KANK1: variants seen among roughly 807,000 people sequenced by gnomAD.
KANK1 encodes KN motif and ankyrin repeat domain-containing protein 1.
Under a neutral mutation model 106.2 loss-of-function variants are expected in KANK1, and 109 were observed. The observed-to-expected ratio is 1.03, with a 90% CI of 0.88 to 1.20. The LOEUF (loss-of-function observed/expected upper bound fraction) is 1.20, where lower values mean the gene tolerates loss of function less well. Ranked by LOEUF, KANK1 falls within the 50% of genes most tolerant of loss-of-function variation. KANK1 has a pLI of 0.00. For synonymous variants in KANK1, 873 were observed against 652.2 expected (o/e 1.34, Z -5.16); for missense variants, 2,399 against 1,710.7 (o/e 1.40, Z -7.10).
chr9:588,025 C>G (rs566608460), intron 1 of KANK1, among the ~76,000 whole-genome samples: 1 of 151,206 alleles, frequency 6.6e-6, no homozygotes, highest in Non-Finnish European at 1.5e-5. Flanking sequence ...GAGATTGCAC[C>G]ATTGCACTCT....
intron 7 of KANK1, among the ~76,000 whole-genome samples, chr9:736,837 A>G (rs1430135545): frequency 6.6e-6 from 1 of 152,242 alleles, no homozygotes; most frequent in Non-Finnish European, 1.5e-5. Flanking sequence ...AGTATTTCCC[A>G]TCAGGTTTAA....
intron 3 of KANK1, chr9:477,953 A>G (rs2058135144): frequency 6.3e-6 from 1 of 157,720 alleles, no homozygotes; most frequent in African/African-American, 2.4e-5. Flanking sequence ...CTTAAGATCA[A>G]CCCTCTGGAC....
At chr9:563,169 T>A (rs1456695661) in intron 1 of KANK1, among the ~76,000 whole-genome samples, 1 of 139,548 alleles carries the variant, frequency 7.2e-6, no homozygotes. Context: ...TTCGAGCAAA[T>A]GAATGAAATA....
intron 2 of KANK1, among the ~76,000 whole-genome samples, chr9:705,017 A>G (rs1405524257): frequency 1.8e-4 from 25 of 137,442 alleles, no homozygotes; most frequent in Non-Finnish European, 1.6e-5. Flanking sequence ...AAAAAAAAAA[A>G]GAGCAATACC....
rs143151060 is a variant in KANK1, at chr9:528,389, A to G, written c.-84+23635A>G. Among the ~76,000 whole-genome samples the G allele has an allele frequency of 7.1e-5, 10 of 140,114 alleles. No homozygotes were observed. The East Asian group carries it at 2.0e-3, about 29-fold the overall frequency. 91.9% of individuals were successfully genotyped at this position (140,114 alleles called of 152,430 possible). On this transcript the variant is annotated intron_variant, in intron 1 of 11. Transcript: ENST00000382297. ...CTTACCTTTTTCTCTCCTATTTTCTATGTCTTGGTCTTTTTATTCCATTTT... is the reference window on the plus strand; with the variant it reads ...CTTACCTTTTTCTCTCCTATTTTCTGTGTCTTGGTCTTTTTATTCCATTTT...
At chr9:677,375 G>C (rs1588836630) in intron 2 of KANK1, among the ~76,000 whole-genome samples, 4 of 152,162 alleles carry the variant, frequency 2.6e-5, no homozygotes, top group Non-Finnish European at 5.9e-5. Flanking sequence ...CCAATTCCTA[G>C]TAGCCACTCC....
chr9:523,411 A>C (rs1219638916), intron 1 of KANK1, among the ~76,000 whole-genome samples: 1 of 151,642 alleles, frequency 6.6e-6, no homozygotes, highest in East Asian at 1.9e-4. Context: ...CTCTCACCTC[A>C]ATTACTGCAC....
chr9:684,880 G>A (rs953052423), intron 2 of KANK1, among the ~76,000 whole-genome samples: 4 of 150,948 alleles, frequency 2.6e-5, no homozygotes, highest in African/African-American at 9.8e-5. Flanking sequence ...TCACAGAAAC[G>A]ATAAGTTCTT....
intron 3 of KANK1, among the ~76,000 whole-genome samples, chr9:715,365 G>GTC (rs76949301): frequency 6.6e-6 from 1 of 152,162 alleles, no homozygotes; most frequent in African/African-American, 2.4e-5. Flanking sequence ...AATACCTCCA[G>GTC]ACAGATGGCA....
chr9:470,303 T>G (rs1235711725), exon 1 of KANK1: 2 of 149,456 alleles, frequency 1.3e-5, no homozygotes, highest in African/African-American at 2.5e-5. Flanking sequence ...CCGAGGGTGT[T>G]TCGGGGCGTC....
intron 1 of KANK1, among the ~76,000 whole-genome samples, chr9:528,465 A>T (rs1368544376): frequency 7.2e-6 from 1 of 138,418 alleles, no homozygotes; most frequent in Admixed American, 7.7e-5. Context: ...GAATTAAAAA[A>T]TAACTTTTTT....
chr9:543,426 A>G (rs1414776393), intron 1 of KANK1, among the ~76,000 whole-genome samples: 3 of 151,890 alleles, frequency 2.0e-5, no homozygotes, highest in Non-Finnish European at 4.4e-5. Flanking sequence ...GTGCATGGTA[A>G]CGGGCGCTTG....
intron 8 of KANK1, among the ~76,000 whole-genome samples, 170 bp from the exon 9 acceptor site, chr9:740,622 G>C (rs762546140): frequency 1.3e-5 from 2 of 152,140 alleles, no homozygotes; most frequent in African/African-American, 2.4e-5. Context: ...AAAGTTTTTG[G>C]TTTAGTATGA....
At chr9:634,667 C>G (rs571398136) in intron 1 of KANK1, among the ~76,000 whole-genome samples, 5 of 152,168 alleles carry the variant, frequency 3.3e-5, no homozygotes, top group Non-Finnish European at 7.3e-5. Context: ...CTGTTATCAT[C>G]CTTGTTTCAA....
intron 1 of KANK1, among the ~76,000 whole-genome samples, chr9:514,071 C>T (rs1256085910): frequency 6.7e-6 from 1 of 150,082 alleles, no homozygotes; most frequent in East Asian, 1.9e-4. Flanking sequence ...TCTTTTCTGT[C>T]CTCCTCCTCT....
intron 1 of KANK1, among the ~76,000 whole-genome samples, chr9:584,219 TTCTA>T (rs1179004911): frequency 6.6e-6 from 1 of 152,192 alleles, no homozygotes; most frequent in Non-Finnish European, 1.5e-5. Context: ...GGTACAGAAT[TTCTA>T]TCAGAATAAG....
intron 1 of KANK1, among the ~76,000 whole-genome samples, chr9:673,197 C>CTTTTT (rs1563964937): frequency 8.7e-6 from 1 of 114,762 alleles, no homozygotes; most frequent in Non-Finnish European, 1.8e-5. Flanking sequence ...GTGACAGTGT[C>CTTTTT]TTCTTTTTTT....
chr9:524,325 A>G (rs1416292174), intron 1 of KANK1, among the ~76,000 whole-genome samples: 1 of 149,368 alleles, frequency 6.7e-6, no homozygotes, highest in Admixed American at 6.6e-5. Flanking sequence ...CTTGACAATA[A>G]CTCTGCCTTT....
intron 1 of KANK1, among the ~76,000 whole-genome samples, chr9:578,356 C>A (rs1253427430): frequency 6.7e-6 from 1 of 150,274 alleles, no homozygotes; most frequent in Admixed American, 6.6e-5. Context: ...TGTGTGTTTG[C>A]CTTTGCTAAG....
Sources: gnomAD v4.1 joint callset for allele counts (sites outside exome capture counted in the v4.1 genomes callset) on GRCh38, gnomAD v4.1.1 for gene constraint, MANE v1.5 for transcripts, NCBI Gene and HGNC (gene_info 2026-07-23, HGNC 2026-07-21) for gene names.